Variants in OR1F1 observed in about 807,000 individuals in gnomAD.
OR1F1 encodes olfactory receptor 1F1.
For missense variants in OR1F1, 493 were observed against 376.3 expected (o/e 1.31, Z -2.57); for synonymous variants, 184 against 156.7 (o/e 1.17, Z -1.30).
chr16:3,204,416 C>T (rs183120097), exon 1 of OR1F1: 1 of 1,614,126 alleles, frequency 6.2e-7, no homozygotes, highest in Non-Finnish European at 8.5e-7. Flanking sequence ...TGCCTGCACA[C>T]CCCCATGTAC....
chr16:3,190,969 T>G, the OR1F1 span, among the ~76,000 whole-genome samples: 1 of 152,012 alleles, frequency 6.6e-6, no homozygotes, highest in Non-Finnish European at 1.5e-5. Context: ...AACAACCAAA[T>G]AGTTCTAGAT....
At chr16:3,192,061 C>T in the OR1F1 span, among the ~76,000 whole-genome samples, 43 of 152,226 alleles carry the variant, frequency 2.8e-4, no homozygotes, top group African/African-American at 8.9e-4. Flanking sequence ...GGACGAGCCC[C>T]TCTTCTTATT....
chr16:3,204,936 C>A, exon 1 of OR1F1: 2 of 1,614,154 alleles, frequency 1.2e-6, no homozygotes, highest in Non-Finnish European at 8.5e-7. Flanking sequence ...AGGTCCCATC[C>A]ACAAAGGGAA....
chr16:3,206,158 A>G (rs1596326154), downstream of OR1F1, among the ~76,000 whole-genome samples: 1 of 152,168 alleles, frequency 6.6e-6, no homozygotes, highest in South Asian at 2.1e-4. Context: ...TGCAGTTGAG[A>G]TAAGGACTGA....
the OR1F1 span, among the ~76,000 whole-genome samples, chr16:3,195,224 A>T: frequency 6.6e-6 from 1 of 152,236 alleles, no homozygotes; most frequent in South Asian, 2.1e-4. Context: ...GAAACAGGAG[A>T]GAATCCTCCC....
chr16:3,191,218 G>A, the OR1F1 span: 2 of 152,180 alleles, frequency 1.3e-5, no homozygotes, highest in African/African-American at 2.4e-5. Context: ...GTGTGGGTAT[G>A]TTTTTTCTCT....
chr16:3,204,652 A>G (rs984693050), exon 1 of OR1F1: 2 of 1,614,032 alleles, frequency 1.2e-6, no homozygotes, highest in African/African-American at 1.3e-5. Flanking sequence ...CACAGCAAAG[A>G]TGACCCATCA....
At chr16:3,199,291 A>G (rs1958109077), upstream of OR1F1, among the ~76,000 whole-genome samples, 1 of 151,818 alleles carries the variant, frequency 6.6e-6, no homozygotes, top group African/African-American at 2.4e-5. Flanking sequence ...CAACAGAGGG[A>G]GACCCTACCT....
the OR1F1 span, among the ~76,000 whole-genome samples, chr16:3,195,040 C>G: frequency 1.3e-5 from 2 of 152,226 alleles, no homozygotes; most frequent in Admixed American, 1.3e-4. Context: ...TCAGTGAGCA[C>G]TCTGGTGGCG....
chr16:3,192,594 G>C, the OR1F1 span, among the ~76,000 whole-genome samples: 7 of 152,356 alleles, frequency 4.6e-5, no homozygotes, highest in African/African-American at 1.2e-4. Flanking sequence ...GTAAATGACA[G>C]TCACAGCGGA....
At chr16:3,191,159 C>A in the OR1F1 span, 3 of 152,152 alleles carry the variant, frequency 2.0e-5, no homozygotes, top group Non-Finnish European at 4.4e-5. Flanking sequence ...TCCTGTAATT[C>A]GAGTGGCCTC....
At chr16:3,196,026 T>C in the OR1F1 span, among the ~76,000 whole-genome samples, 1 of 152,220 alleles carries the variant, frequency 6.6e-6, no homozygotes, top group Non-Finnish European at 1.5e-5. Flanking sequence ...ACGTCTCTCC[T>C]GGTGGACTTT....
chr16:3,192,194 C>G, the OR1F1 span, among the ~76,000 whole-genome samples: 6 of 152,154 alleles, frequency 3.9e-5, no homozygotes, highest in South Asian at 1.0e-3. Context: ...GTAGCTGGGA[C>G]TACAGGTGCC....
At chr16:3,195,996 G>T in the OR1F1 span, among the ~76,000 whole-genome samples, 1 of 152,232 alleles carries the variant, frequency 6.6e-6, no homozygotes, top group Non-Finnish European at 1.5e-5. Context: ...TGTGCCACCC[G>T]CCAGCAGGAC....
the OR1F1 span, among the ~76,000 whole-genome samples, chr16:3,196,065 C>T: frequency 1.3e-5 from 2 of 152,370 alleles, no homozygotes; most frequent in Admixed American, 6.5e-5. Flanking sequence ...CAGGACCCAG[C>T]GAGCAGTTGG....
At chr16:3,200,625 TAAAC>T (rs1424078411), upstream of OR1F1, among the ~76,000 whole-genome samples, 1 of 152,110 alleles carries the variant, frequency 6.6e-6, no homozygotes, top group African/African-American at 2.4e-5. Flanking sequence ...AAAAAACGAA[TAAAC>T]AAACAAAGAA....
chr16:3,200,526 GGACCCGGGAGGCAGT>G (rs1958124585), upstream of OR1F1, among the ~76,000 whole-genome samples: 1 of 152,196 alleles, frequency 6.6e-6, no homozygotes, highest in Non-Finnish European at 1.5e-5. Context: ...AGAATGGCGT[GGACCCGGGAGGCAGT>G]GAGCCAAGAT....
chr16:3,192,529 A>G, the OR1F1 span, among the ~76,000 whole-genome samples: 1 of 152,228 alleles, frequency 6.6e-6, no homozygotes, highest in African/African-American at 2.4e-5. Flanking sequence ...CGGAAGCCTC[A>G]TTGGTGGGAT....
At chr16:3,194,232 A>G in the OR1F1 span, among the ~76,000 whole-genome samples, 2 of 152,178 alleles carry the variant, frequency 1.3e-5, no homozygotes, top group Admixed American at 1.3e-4. Context: ...CAGCTTTTGT[A>G]TATATCAAAG....
Sources: gnomAD v4.1 joint callset for allele counts (sites outside exome capture counted in the v4.1 genomes callset) on GRCh38, gnomAD v4.1.1 for gene constraint, MANE v1.5 for transcripts, NCBI Gene and HGNC (gene_info 2026-07-23, HGNC 2026-07-21) for gene names.